PDE7B: variants seen among roughly 807,000 people sequenced by gnomAD.
The protein encoded by PDE7B is 3',5'-cyclic-AMP phosphodiesterase 7B.
PDE7B carries 29 observed loss-of-function variants against 56.2 expected under a neutral mutation model. The ratio of observed to expected loss-of-function variants is 0.52; its 90% CI spans 0.38 to 0.70. The LOEUF (loss-of-function observed/expected upper bound fraction) is 0.70. Ranked by LOEUF, PDE7B falls within the 30% of genes least tolerant of loss-of-function variation. The probability of loss-of-function intolerance (pLI) is 0.00; values close to 1 mark genes in which losing one functional copy is unlikely to be tolerated. For missense variants in PDE7B, 490 were observed against 565.0 expected (o/e 0.87, Z 1.35); for synonymous variants, 197 against 196.9 (o/e 1.00, Z 0.00).
In PDE7B at chr6:136,195,066, T is replaced by C. The variant is rs765103496; in HGVS notation, c.*3226T>C. ...TAGTAAGCTGACGGTAAAGTTAAGA[T>C]TAAATTAAGACAGAGAGAGAATACA... On this transcript the variant is annotated 3_prime_UTR_variant, in exon 13 of 13. Transcript: ENST00000308191. 10 of 152,120 alleles carry C rather than the reference T, an allele frequency of 6.6e-5. No homozygotes were observed. Among genetic ancestry groups the C allele is most frequent in the Non-Finnish European group, 1.2e-4 (8 of 68,016 alleles). The allele number at this position is 152,120 out of a possible 1,614,324, so 9.4% of individuals were successfully genotyped here. A position where few individuals can be genotyped will look rare whatever the true frequency, so the allele number is the denominator to read the frequency against.
intron 2 of PDE7B, among the ~76,000 whole-genome samples, chr6:136,046,669 C>G (rs1329679148): frequency 4.6e-5 from 7 of 152,190 alleles, no homozygotes; most frequent in Non-Finnish European, 7.3e-5. Context: ...TTGCAACTGT[C>G]TCTTTGACAT....
intron 2 of PDE7B, among the ~76,000 whole-genome samples, chr6:135,999,944 A>G (rs779749230): frequency 3.0e-4 from 45 of 152,212 alleles, no homozygotes; most frequent in Non-Finnish European, 5.0e-4. Flanking sequence ...TGACTTTTTA[A>G]TGATAGCCAT....
chr6:136,067,268 T>G (rs1776957346), intron 2 of PDE7B, among the ~76,000 whole-genome samples: 1 of 152,212 alleles, frequency 6.6e-6, no homozygotes, highest in Non-Finnish European at 1.5e-5. Flanking sequence ...AATTTTCAGC[T>G]TAAAGCATCT....
intron 1 of PDE7B, among the ~76,000 whole-genome samples, chr6:135,925,847 A>G (rs1774174084): frequency 6.6e-6 from 1 of 152,126 alleles, no homozygotes; most frequent in Non-Finnish European, 1.5e-5. Flanking sequence ...CACAAACTAC[A>G]TAATTTTTTT....
At chr6:136,125,629 A>G (rs1047458768) in intron 3 of PDE7B, among the ~76,000 whole-genome samples, 4 of 152,086 alleles carry the variant, frequency 2.6e-5, no homozygotes, top group Non-Finnish European at 5.9e-5. Flanking sequence ...AATTTATTTG[A>G]TTTTTTAAAA....
rs144728841 is a variant in PDE7B, at chr6:136,160,761, C to T, written c.711+5003C>T. 1.3e-3 allele frequency among the ~76,000 whole-genome samples: 199 copies of T among 152,274 alleles called. 1 individual carries two copies. Among genetic ancestry groups the T allele is most frequent in the African/African-American group, 4.3e-3 (180 of 41,552 alleles). ...CCAGTCCTTCCAGCCTCACTTCCCACCATTCCCCTCCCAGGCTTCTATGCA... is the reference window on the plus strand; with the variant it reads ...CCAGTCCTTCCAGCCTCACTTCCCATCATTCCCCTCCCAGGCTTCTATGCA... On this transcript the variant is annotated intron_variant, in intron 8 of 12. Coordinates refer to ENST00000308191, the MANE Select transcript of PDE7B (RefSeq NM_018945.4).
At chr6:136,120,997 T>C (rs1777924933) in intron 3 of PDE7B, among the ~76,000 whole-genome samples, 1 of 152,188 alleles carries the variant, frequency 6.6e-6, no homozygotes, top group South Asian at 2.1e-4. Context: ...ACCTTGTGTC[T>C]GACTCCCCTC....
rs941775411 is a variant in PDE7B, at chr6:136,002,673, C to G, written c.82+55149C>G. Among the ~76,000 whole-genome samples, 78 of 152,090 alleles carry G rather than the reference C, an allele frequency of 5.1e-4. 1 individual carries two copies. The highest frequency in any genetic ancestry group is 8.5e-4 in the Non-Finnish European group (58 of 68,014). On this transcript the variant is annotated intron_variant, in intron 2 of 12. Coordinates refer to ENST00000308191, the MANE Select transcript of PDE7B (RefSeq NM_018945.4). ...TAACTCTCCTAAATATATATGCACC[C>G]AATACAGGAGCACCCAGATTCATAA...
At chr6:135,936,106 T>G (rs1444980553) in intron 1 of PDE7B, among the ~76,000 whole-genome samples, 1 of 152,252 alleles carries the variant, frequency 6.6e-6, no homozygotes, top group Non-Finnish European at 1.5e-5. Context: ...TTCCAAGGAC[T>G]GGTTTGAATT....
At chr6:136,132,423 T>A (rs190294158) in intron 3 of PDE7B, among the ~76,000 whole-genome samples, 17 of 152,250 alleles carry the variant, frequency 1.1e-4, no homozygotes, top group Admixed American at 2.0e-4. Context: ...GAGCAGAGCA[T>A]CATCTTCAAG....
chr6:136,046,668 T>C (rs1278285897), intron 2 of PDE7B, among the ~76,000 whole-genome samples: 1 of 152,132 alleles, frequency 6.6e-6, no homozygotes, highest in Non-Finnish European at 1.5e-5. Flanking sequence ...TTTGCAACTG[T>C]CTCTTTGACA....
intron 2 of PDE7B, among the ~76,000 whole-genome samples, chr6:136,082,748 C>T (rs552198360): frequency 2.0e-5 from 3 of 152,074 alleles, no homozygotes; most frequent in Non-Finnish European, 2.9e-5. Context: ...AAAATCATAC[C>T]GGAAGTTATT....
intron 2 of PDE7B, among the ~76,000 whole-genome samples, chr6:136,092,170 A>G (rs966129220): frequency 6.6e-6 from 1 of 152,256 alleles, no homozygotes; most frequent in African/African-American, 2.4e-5. Flanking sequence ...AGATTGACTA[A>G]GAATGGACAT....
At chr6:135,918,787 A>G (rs777384329) in intron 1 of PDE7B, among the ~76,000 whole-genome samples, 8 of 152,206 alleles carry the variant, frequency 5.3e-5, no homozygotes, top group Non-Finnish European at 1.0e-4. Context: ...CATTCCATTT[A>G]TGCGTGGACA....
intron 2 of PDE7B, among the ~76,000 whole-genome samples, chr6:136,093,814 G>A (rs909694567): frequency 1.3e-5 from 2 of 152,192 alleles, no homozygotes; most frequent in African/African-American, 4.8e-5. Flanking sequence ...AATGTATAAA[G>A]TGCCCCAACA....
intron 2 of PDE7B, among the ~76,000 whole-genome samples, chr6:136,093,166 G>T (rs1777417583): frequency 6.6e-6 from 1 of 152,182 alleles, no homozygotes; most frequent in Non-Finnish European, 1.5e-5. Flanking sequence ...CAGTATGATG[G>T]CTGTGAAAAC....
rs112598160 is a variant in PDE7B, at chr6:136,194,435, G to C, written c.*2595G>C. On this transcript the variant is annotated 3_prime_UTR_variant, in exon 13 of 13. Coordinates refer to ENST00000308191, the MANE Select transcript of PDE7B (RefSeq NM_018945.4). The stretch of plus-strand genomic sequence containing the variant: ...GTAGCCACTAGTACAATAAAAATCT[G>C]AAGTAAAATGAGGCATAAACTTGAT... 6.6e-6 allele frequency: 1 copy of C among 152,140 alleles called. No homozygotes were observed. Among genetic ancestry groups the C allele is most frequent in the African/African-American group, 2.4e-5 (1 of 41,430 alleles). 9.4% of individuals were successfully genotyped at this position (152,140 alleles called of 1,614,324 possible).
intron 8 of PDE7B, among the ~76,000 whole-genome samples, chr6:136,157,681 G>T (rs77223568): frequency 3.3e-3 from 507 of 152,290 alleles, no homozygotes; most frequent in African/African-American, 0.011. Context: ...GGAAGATGGG[G>T]GAAGGAGAAA....
chr6:136,139,290 G>T (rs933112031), intron 3 of PDE7B, among the ~76,000 whole-genome samples: 2 of 152,112 alleles, frequency 1.3e-5, no homozygotes, highest in African/African-American at 4.8e-5. Context: ...CCCTACAAAG[G>T]ACATGAACTC....
Sources: gnomAD v4.1 joint callset for allele counts (sites outside exome capture counted in the v4.1 genomes callset) on GRCh38, gnomAD v4.1.1 for gene constraint, MANE v1.5 for transcripts, NCBI Gene and HGNC (gene_info 2026-07-23, HGNC 2026-07-21) for gene names.